INPP5K: variants seen among roughly 807,000 people sequenced by gnomAD.
The protein encoded by INPP5K is inositol polyphosphate-5-phosphatase K, also known as inositol polyphosphate 5-phosphatase K.
In INPP5K, 35 loss-of-function variants were observed where a neutral mutation model predicts 53.5. The observed-to-expected ratio is 0.65, with a 90% CI of 0.50 to 0.87. The LOEUF is 0.87. Among genes scored for constraint, INPP5K ranks in the 40% least tolerant of loss-of-function variants. The probability of loss-of-function intolerance (pLI) is 0.00; values close to 1 mark genes in which losing one functional copy is unlikely to be tolerated. For missense variants in INPP5K, 550 were observed against 586.2 expected, an observed-to-expected ratio of 0.94 and a Z score of 0.64; for synonymous variants, 253 against 232.8, an observed-to-expected ratio of 1.09 and a Z score of -0.79.
intron 5 of INPP5K, among the ~76,000 whole-genome samples, chr17:1,508,651 T>G (rs1177969580): frequency 6.6e-6 from 1 of 151,832 alleles, no homozygotes; most frequent in Non-Finnish European, 1.5e-5. Context: ...CAGGGAAGGG[T>G]CAGGGAGAGG....
At chr17:1,507,185 TG>T (rs1306915178) in intron 6 of INPP5K, 96 bp from the exon 7 acceptor site, 3 of 877,400 alleles carry the variant, frequency 3.4e-6, no homozygotes, top group African/African-American at 3.3e-5. Context: ...CCGTCACAAA[TG>T]GGGCAAGAGT....
Position 1,514,114 on chromosome 17 carries a change from G to C in INPP5K, c.45-135C>G, listed in dbSNP as rs149474359. On this transcript the variant is annotated intron_variant, in intron 1 of 11. Transcript: ENST00000421807. ...GAGGTGGGCGGATCACCTGAGGTCG[G>C]GAGTTCGAGACAAGCCTGGCCAACA... 305 of 483,868 alleles carry C rather than the reference G, an allele frequency of 6.3e-4. 3 individuals carry two copies. In the East Asian group the frequency reaches 0.01, roughly 17 times the overall value. The allele number at this position is 483,868 out of a possible 1,614,324, so 30.0% of individuals were successfully genotyped here.
chr17:1,508,147 G>A lies in INPP5K; in HGVS notation c.634C>T (p.Arg212Trp). 1.2e-6 allele frequency: 2 copies of A among 1,614,002 alleles called. No individual in the cohort carries two copies. Among genetic ancestry groups the A allele is most frequent in the Admixed American group, 1.7e-5 (1 of 60,008 alleles). The change falls in exon 6 of 12, where the codon CGG (arginine) becomes TGG (tryptophan). Residue 212 changes from arginine (R) to tryptophan (W), a missense_variant. By Grantham distance (101) the Arg-to-Trp change is moderately radical. Transcript: ENST00000421807. The part of the protein sequence containing the change: ...LHFVRESIKN[R>W]CYGGLWEKDQ... Reference sequence around the variant, plus strand: ...TTCTCCCACAGGCCACCGTAGCACCGATTTTTAATGGATTCCCGAACAAAG... The same window carrying A: ...TTCTCCCACAGGCCACCGTAGCACCAATTTTTAATGGATTCCCGAACAAAG...
rs199511679 is a variant in INPP5K at position 1,498,048 on chromosome 17, T to C, written c.851A>G (p.Asp284Gly). 1 of 1,614,052 alleles carries C rather than the reference T, an allele frequency of 6.2e-7. No homozygotes were observed. Among genetic ancestry groups the C allele is most frequent in the East Asian group, 2.2e-5 (1 of 44,894 alleles). The change falls in exon 8 of 12, where the codon GAC becomes GGC. Residue 284 changes from aspartate (D) to glycine (G), a missense_variant. By Grantham distance (94) the Asp-to-Gly change is moderately conservative. Coordinates refer to ENST00000421807, the MANE Select transcript of INPP5K (RefSeq NM_016532.4). ...GTGTGACGCCGGCGGTATGGGAGTG[T>C]CGGGGCCAGCACAGGGCTGCCGCTT... ...RLKRQPCAGP[D>G]TPIPPASHFS...
At chr17:1,509,536 A>G (rs2075257044) in intron 4 of INPP5K, 147 bp downstream of exon 4, 2 of 849,300 alleles carry the variant, frequency 2.4e-6, no homozygotes, top group Non-Finnish European at 3.9e-6. Flanking sequence ...GGCCTCAGGG[A>G]TAGCAAGCCC....
chr17:1,516,516 G>C lies in INPP5K; in HGVS notation c.-17C>G. The C allele has an allele frequency of 2.6e-6, 4 of 1,567,358 alleles. No individual in the cohort carries two copies. The highest frequency in any genetic ancestry group is 3.4e-6 in the Non-Finnish European group (4 of 1,166,600). On this transcript the variant is annotated 5_prime_UTR_variant, in exon 1 of 12. Transcript: ENST00000421807. ...CGAGCTCATGGCCGCCGTCGTCCCC[G>C]CGCGGTGGTCCGGCAGGTTCGCGTC...
At chr17:1,499,957 G>A (rs1024363567) in intron 7 of INPP5K, among the ~76,000 whole-genome samples, 7 of 152,200 alleles carry the variant, frequency 4.6e-5, no homozygotes, top group African/African-American at 1.7e-4. Flanking sequence ...CCTATTGATT[G>A]ATCAATCCAT....
intron 3 of INPP5K, among the ~76,000 whole-genome samples, chr17:1,510,186 G>A (rs2075274824): frequency 6.6e-6 from 1 of 152,178 alleles, no homozygotes; most frequent in Non-Finnish European, 1.5e-5. Flanking sequence ...GATGCTGTGG[G>A]GATTATCTGA....
chr17:1,516,121 G>A, intron 1 of INPP5K: 1 of 1,252,490 alleles, frequency 8.0e-7, no homozygotes, highest in Non-Finnish European at 1.0e-6. Flanking sequence ...TGTATGTGCT[G>A]ATGAAAAGTA....
chr17:1,515,675 G>A, intron 1 of INPP5K: 4 of 883,180 alleles, frequency 4.5e-6, no homozygotes, highest in Non-Finnish European at 5.4e-6. Flanking sequence ...CTTAGAGGTC[G>A]ACGTTCTCAA....
At position 1,500,621 on chromosome 17, in the gene INPP5K, T is replaced by C. The variant is rs372497379; in HGVS notation, c.777-2499A>G. Among the ~76,000 whole-genome samples, 651 of 152,282 alleles carry C rather than the reference T, an allele frequency of 4.3e-3. 9 individuals are homozygous for C. Among genetic ancestry groups the C allele is most frequent in the African/African-American group, 0.015 (610 of 41,544 alleles). Reference sequence around the variant, plus strand: ...ACCTCGTGATCTGCTCGCCTTGGCCTCCCAAAGTGCTGGATTACAGGCGTG... The same window carrying C: ...ACCTCGTGATCTGCTCGCCTTGGCCCCCCAAAGTGCTGGATTACAGGCGTG... On this transcript the variant is annotated intron_variant, in intron 7 of 11. Coordinates refer to ENST00000421807, the MANE Select transcript of INPP5K (RefSeq NM_016532.4).
In INPP5K at chr17:1,509,352, C is replaced by T. The variant is rs1247943193; in HGVS notation, c.380G>A (p.Gly127Glu). 1.2e-6 allele frequency: 2 copies of T among 1,612,450 alleles called. No individual in the cohort carries two copies. Among genetic ancestry groups the T allele is most frequent in the Non-Finnish European group, 1.7e-6 (2 of 1,179,038 alleles). Residue 127 changes from glycine to glutamate, a missense_variant and splice_region_variant, in exon 5 of 12, where the codon GGG (glycine) becomes GAG (glutamate). Coordinates refer to ENST00000421807, the MANE Select transcript of INPP5K (RefSeq NM_016532.4). ...STPTGLFGYW[G>E]NKGGVNICLK... is the part of the protein sequence containing the mutation. Reference sequence around the variant, plus strand: ...GCAGATGTTGACTCCACCTTTGTTCCCCTGGTAGAACAGGTCAACAGAAGA... The same window carrying T: ...GCAGATGTTGACTCCACCTTTGTTCTCCTGGTAGAACAGGTCAACAGAAGA...
chr17:1,500,433 C>T (rs1264802156), intron 7 of INPP5K, among the ~76,000 whole-genome samples: 13 of 151,622 alleles, frequency 8.6e-5, no homozygotes, highest in African/African-American at 2.7e-4. Context: ...GGCGCAATCT[C>T]GGCTCACTGC....
intron 7 of INPP5K, among the ~76,000 whole-genome samples, chr17:1,501,553 C>T (rs981363827): frequency 6.6e-6 from 1 of 152,200 alleles, no homozygotes; most frequent in East Asian, 1.9e-4. Flanking sequence ...GGTCACGAAG[C>T]GGTAACTTTG....
chr17:1,505,315 G>A (rs1033606858), intron 7 of INPP5K, among the ~76,000 whole-genome samples: 3 of 152,002 alleles, frequency 2.0e-5, no homozygotes, highest in South Asian at 2.1e-4. Flanking sequence ...TCGTAGAGAC[G>A]GGGTCTAACT....
intron 7 of INPP5K, among the ~76,000 whole-genome samples, chr17:1,502,640 G>C (rs1431448814): frequency 1.3e-5 from 2 of 151,890 alleles, no homozygotes; most frequent in East Asian, 3.9e-4. Flanking sequence ...TGAGAAATAG[G>C]ATGGACAAAG....
Position 1,515,765 on chromosome 17 carries a change from C to T in INPP5K, c.44+691G>A. The T allele has an allele frequency of 4.9e-6, 3 of 616,766 alleles. No homozygotes were observed. In the South Asian group the frequency reaches 2.1e-4, roughly 44 times the overall value. 38.2% of individuals were successfully genotyped at this position (616,766 alleles called of 1,614,324 possible). A position where few individuals can be genotyped will look rare whatever the true frequency, so the allele number is the denominator to read the frequency against. On this transcript the variant is annotated intron_variant, in intron 1 of 11. Transcript: ENST00000421807. ...TAGCATAAACAACACTATACAGAAA[C>T]CACCTTCCCAGGCACTCGGCCTGAG...
intron 1 of INPP5K, among the ~76,000 whole-genome samples, chr17:1,514,275 A>G (rs1432593168): frequency 6.7e-6 from 1 of 148,250 alleles, no homozygotes; most frequent in African/African-American, 2.5e-5. Flanking sequence ...GTGAGCCGAC[A>G]TTGTGCCACT....
intron 7 of INPP5K, among the ~76,000 whole-genome samples, chr17:1,505,378 C>G (rs944066759): frequency 1.3e-5 from 2 of 152,156 alleles, no homozygotes; most frequent in African/African-American, 4.8e-5. Flanking sequence ...CCTCCCCACC[C>G]AAGGCCCTAC....
Sources: allele counts gnomAD v4.1 joint callset (sites outside exome capture counted in the v4.1 genomes callset), GRCh38; gene constraint gnomAD v4.1.1; transcripts MANE v1.5; gene names NCBI Gene and HGNC (gene_info 2026-07-23, HGNC 2026-07-21).